HDLBP: variants seen among roughly 807,000 people sequenced by gnomAD.
HDLBP encodes the protein high density lipoprotein binding protein, also known as vigilin.
A neutral mutation model predicts 137.3 loss-of-function variants in HDLBP; 30 were observed. The ratio of observed to expected loss-of-function variants is 0.22; its 90% CI spans 0.16 to 0.30. The LOEUF is 0.30. Among genes scored for constraint, HDLBP ranks in the 10% least tolerant of loss-of-function variants. The pLI is 1.00. For missense variants in HDLBP, 1,119 were observed against 1,667.3 expected, an observed-to-expected ratio of 0.67 and a Z score of 5.73; for synonymous variants, 606 against 596.0, an observed-to-expected ratio of 1.02 and a Z score of -0.24.
chr2:241,277,774 C>A (rs1434588370), intron 1 of HDLBP, among the ~76,000 whole-genome samples: 1 of 152,124 alleles, frequency 6.6e-6, no homozygotes, highest in Admixed American at 6.5e-5. Context: ...CCAGCCTGAC[C>A]AACATGATGA....
chr2:241,287,322 G>A (rs1241509560), intron 1 of HDLBP, among the ~76,000 whole-genome samples: 2 of 151,736 alleles, frequency 1.3e-5, no homozygotes, highest in Non-Finnish European at 2.9e-5. Flanking sequence ...TGTTGGCCAG[G>A]CTGGTCTCAA....
At chr2:241,232,964 GA>G (rs1369073943) in intron 24 of HDLBP, among the ~76,000 whole-genome samples, 1 of 151,410 alleles carries the variant, frequency 6.6e-6, no homozygotes, top group Non-Finnish European at 1.5e-5. Context: ...ATCCAAAAGG[GA>G]ACAAGAAGCT....
chr2:241,232,319 A>C (rs1357737522), intron 24 of HDLBP, among the ~76,000 whole-genome samples: 1 of 149,628 alleles, frequency 6.7e-6, no homozygotes, highest in Non-Finnish European at 1.5e-5. Flanking sequence ...TCTGTCGCCC[A>C]GGCTGGAGTG....
intron 1 of HDLBP, among the ~76,000 whole-genome samples, chr2:241,282,602 T>C (rs185595581): frequency 6.6e-6 from 1 of 152,378 alleles, no homozygotes; most frequent in African/African-American, 2.4e-5. Context: ...GGTCTTTCCA[T>C]GCCTCTTTTC....
intron 1 of HDLBP, among the ~76,000 whole-genome samples, chr2:241,302,020 C>G (rs1013957773): frequency 6.7e-6 from 1 of 149,544 alleles, no homozygotes. Flanking sequence ...TGCTTGAGGT[C>G]GGAAGTTCAA....
Position 241,233,780 on chromosome 2 carries a change from A to G in HDLBP, c.3288+40T>C, listed in dbSNP as rs776431776. ...TCCCAAGTCACAGGAAAGGTCAACA[A>G]GCACCTCTGCCCCCGACACGCTCCA... On this transcript the variant is annotated intron_variant, in intron 24 of 27. Transcript: ENST00000310931. This position sits in a 1 kb window ranked among gnomAD's most constrained non-coding sequence, Gnocchi z 4.3. 2.5e-6 allele frequency: 4 copies of G among 1,612,310 alleles called. No homozygotes were observed. The highest frequency in any genetic ancestry group is 3.4e-6 in the Non-Finnish European group (4 of 1,179,262).
At chr2:241,236,523 G>T (rs1043778485) in intron 21 of HDLBP, 92 bp downstream of exon 21, 1 of 1,333,312 alleles carries the variant, frequency 7.5e-7, no homozygotes, top group Non-Finnish European at 1.1e-6. Context: ...TGCCGCTTGG[G>T]CAACCGTCCA....
intron 2 of HDLBP, chr2:241,267,436 A>T (rs2073759471): frequency 2.7e-6 from 2 of 739,608 alleles, no homozygotes; most frequent in Non-Finnish European, 4.5e-6. Context: ...ACAGAGACAC[A>T]GTCAACACCA....
intron 4 of HDLBP, among the ~76,000 whole-genome samples, chr2:241,263,473 C>A (rs1431440217): frequency 6.6e-6 from 1 of 152,074 alleles, no homozygotes; most frequent in African/African-American, 2.4e-5. Context: ...TGGAGAAGAA[C>A]TGAGGAGGGA....
intron 20 of HDLBP, among the ~76,000 whole-genome samples, chr2:241,236,977 TGGGGGGGGG>T (rs530665718): frequency 1.5e-4 from 16 of 108,200 alleles, no homozygotes; most frequent in African/African-American, 2.3e-4. Context: ...TCCCAGACCT[TGGGGGGGGG>T]GGGGGGGGCG....
chr2:241,243,238 C>T (rs924339307), intron 16 of HDLBP, among the ~76,000 whole-genome samples: 18 of 152,140 alleles, frequency 1.2e-4, no homozygotes, highest in African/African-American at 3.1e-4. Context: ...CAGAACCATC[C>T]GGAGATCAGA....
At chr2:241,250,057 C>T (rs762949150) in intron 11 of HDLBP, 77 bp from the exon 12 acceptor site, 420 of 1,362,286 alleles carry the variant, frequency 3.1e-4, no homozygotes, top group Non-Finnish European at 3.8e-4. Context: ...GGCAGGACAG[C>T]GCTAAAGCGC....
At chr2:241,311,702 T>C (rs1358649385) in intron 1 of HDLBP, among the ~76,000 whole-genome samples, 4 of 152,206 alleles carry the variant, frequency 2.6e-5, no homozygotes, top group Non-Finnish European at 5.9e-5. Flanking sequence ...ATAAGACTTG[T>C]AATAACCCAG....
At chr2:241,287,403 G>A (rs78566372) in intron 1 of HDLBP, among the ~76,000 whole-genome samples, 5,003 of 150,184 alleles carry the variant, frequency 0.033, 504 homozygotes, top group Admixed American at 0.19. Context: ...CACCGCGCCC[G>A]GCCTATTTCT....
chr2:241,237,255 G>A (rs1159523868), intron 20 of HDLBP, among the ~76,000 whole-genome samples: 1 of 152,124 alleles, frequency 6.6e-6, no homozygotes, highest in Non-Finnish European at 1.5e-5. Flanking sequence ...AGACAGAAAG[G>A]GCAAGGCCAA....
At chr2:241,293,515 G>T (rs1410092381) in intron 1 of HDLBP, among the ~76,000 whole-genome samples, 5 of 151,722 alleles carry the variant, frequency 3.3e-5, no homozygotes, top group Admixed American at 6.6e-5. Flanking sequence ...GGAAGGCTGG[G>T]GCAGGAAGAT....
chr2:241,307,975 A>G (rs560381206), intron 1 of HDLBP, among the ~76,000 whole-genome samples: 7 of 152,230 alleles, frequency 4.6e-5, no homozygotes, highest in Non-Finnish European at 1.0e-4. Context: ...AAATGGAATT[A>G]TATGATGACA....
At position 241,247,875 on chromosome 2, in the gene HDLBP, A is replaced by C. The variant is rs541645481; in HGVS notation, c.1731+128T>G. Reference sequence around the variant, plus strand: ...ACTTTGTCCCAAGTCCCTGAGATGGAAGGCCAGCCCAGGGCCTATGTGCTT... The same window carrying C: ...ACTTTGTCCCAAGTCCCTGAGATGGCAGGCCAGCCCAGGGCCTATGTGCTT... On this transcript the variant is annotated intron_variant, in intron 14 of 27. Coordinates refer to ENST00000310931, the MANE Select transcript of HDLBP (RefSeq NM_005336.6). 3.6e-5 allele frequency: 23 copies of C among 646,478 alleles called. No homozygotes were observed. The East Asian group carries it at 4.5e-4, about 13-fold the overall frequency. The allele number at this position is 646,478 out of a possible 1,614,324, so 40.0% of individuals were successfully genotyped here. A position where few individuals can be genotyped will look rare whatever the true frequency, so the allele number is the denominator to read the frequency against.
chr2:241,311,080 C>T (rs1309760324), intron 1 of HDLBP, among the ~76,000 whole-genome samples: 1 of 151,834 alleles, frequency 6.6e-6, no homozygotes, highest in African/African-American at 2.4e-5. Flanking sequence ...CGCCACCGCA[C>T]TACAGCCTGA....
Sources: gnomAD v4.1 joint callset for allele counts (sites outside exome capture counted in the v4.1 genomes callset) on GRCh38, gnomAD v4.1.1 for gene constraint, Gnocchi (gnomAD v3.1) non-coding constraint, MANE v1.5 for transcripts, NCBI Gene and HGNC (gene_info 2026-07-23, HGNC 2026-07-21) for gene names.